Variants in LLGL2 observed in about 807,000 individuals in gnomAD.
The protein encoded by LLGL2 is LLGL scribble cell polarity complex component 2.
A neutral mutation model predicts 123.2 loss-of-function variants in LLGL2; 81 were observed. The observed-to-expected ratio is 0.66, with a 90% CI of 0.55 to 0.79. The LOEUF is 0.79. Ranked by LOEUF, LLGL2 falls within the 30% of genes least tolerant of loss-of-function variation. LLGL2 has a pLI of 0.00. For missense variants in LLGL2, 1,273 were observed against 1,414.6 expected (o/e 0.90, Z 1.61); for synonymous variants, 577 against 594.1 (o/e 0.97, Z 0.42).
At chr17:75,543,620 C>T (rs2054300774) in intron 2 of LLGL2, 119 bp downstream of exon 2, 1 of 637,748 alleles carries the variant, frequency 1.6e-6, no homozygotes, top group Non-Finnish European at 2.5e-6. Flanking sequence ...CCTGCAGTGC[C>T]TCTTGGGACT....
chr17:75,551,902 G>C (rs1300526650), intron 2 of LLGL2, among the ~76,000 whole-genome samples: 1 of 152,254 alleles, frequency 6.6e-6, no homozygotes, highest in Non-Finnish European at 1.5e-5. Context: ...GTCAAGGCGA[G>C]GAGATCACTT....
chr17:75,573,903 C>T lies in LLGL2; in HGVS notation c.2877-49C>T, dbSNP rs749287012. On this transcript the variant is annotated intron_variant, in intron 21 of 25. Coordinates refer to ENST00000392550, the MANE Select transcript of LLGL2 (RefSeq NM_001031803.2). ...TTCATGGGACCAGGGCTCTCAGAGC[C>T]GGGCAGGGAGCCCGGGGGCCCTGGT... is the stretch of plus-strand genomic sequence containing the variant. 34 of 1,546,248 alleles carry T rather than the reference C, an allele frequency of 2.2e-5. No individual in the cohort carries two copies. In the African/African-American group the frequency reaches 3.0e-4, roughly 14 times the overall value.
chr17:75,571,747 G>A lies in LLGL2; in HGVS notation c.2257G>A (p.Glu753Lys), dbSNP rs144506761. 1.1e-5 allele frequency: 18 copies of A among 1,608,784 alleles called. No homozygotes were observed. Among genetic ancestry groups the A allele is most frequent in the South Asian group, 2.2e-5 (2 of 91,086 alleles). Residue 753 changes from glutamate to lysine, a missense_variant, in exon 18 of 26, where the codon GAG (glutamate) becomes AAG (lysine). Transcript: ENST00000392550. The part of the protein sequence containing the change: ...YAFSLRVPPA[E>K]RRMDEPVRAE... ...CTTCTCCCTGCGTGTGCCTCCCGCC[G>A]AGCGGAGAATGGATGAGCCTGTGCG...
intron 16 of LLGL2, 44 bp downstream of exon 16, chr17:75,570,542 C>T (rs777523567): frequency 1.4e-5 from 22 of 1,540,044 alleles, no homozygotes; most frequent in East Asian, 2.4e-5. Context: ...CACCCAGGTT[C>T]GGCTCAGAGC....
chr17:75,544,684 G>A lies in LLGL2; in HGVS notation c.75+1183G>A, dbSNP rs370443752. ...GATCTCCGTGACCTCCCTGTTGGGA[G>A]AGGTGGGTCGTGGGGTGGAGGGACC... On this transcript the variant is annotated intron_variant, in intron 2 of 25. Transcript: ENST00000392550. The surrounding 1 kb of genome is among the most constrained non-coding windows in gnomAD (Gnocchi z 4.2). Among the ~76,000 whole-genome samples the A allele has an allele frequency of 6.6e-6, 1 of 152,202 alleles. No homozygotes were observed. Among genetic ancestry groups the A allele is most frequent in the African/African-American group, 2.4e-5 (1 of 41,456 alleles).
chr17:75,573,668 C>A, intron 21 of LLGL2, 37 bp downstream of exon 21: 1 of 1,528,638 alleles, frequency 6.5e-7, no homozygotes, highest in Non-Finnish European at 8.8e-7. Context: ...CCGCCCCTCC[C>A]GCCCCTCCCT....
At chr17:75,531,457 TG>T (rs2053783620) in intron 1 of LLGL2, among the ~76,000 whole-genome samples, 1 of 152,226 alleles carries the variant, frequency 6.6e-6, no homozygotes, top group Non-Finnish European at 1.5e-5. Context: ...TTCTTTCTCC[TG>T]GGCCGGCTGC....
rs1050583158 is a variant in LLGL2 at position 75,544,993 on chromosome 17, A to C, written c.75+1492A>C. ...GAGTAGCCTATGGGTGCTGGGTCTCAAAGCTTCGGTGTCCACGGGAGATGG... is the reference window on the plus strand; with the variant it reads ...GAGTAGCCTATGGGTGCTGGGTCTCCAAGCTTCGGTGTCCACGGGAGATGG... On this transcript the variant is annotated intron_variant, in intron 2 of 25. Coordinates refer to ENST00000392550, the MANE Select transcript of LLGL2 (RefSeq NM_001031803.2). The surrounding 1 kb of genome is among the most constrained non-coding windows in gnomAD (Gnocchi z 4.2). 6.6e-6 allele frequency among the ~76,000 whole-genome samples: 1 copy of C among 152,064 alleles called. No homozygotes were observed. Among genetic ancestry groups the C allele is most frequent in the Non-Finnish European group, 1.5e-5 (1 of 67,992 alleles).
chr17:75,574,713 G>T, intron 25 of LLGL2, 45 bp downstream of exon 25: 1 of 1,603,616 alleles, frequency 6.2e-7, no homozygotes. Context: ...GTGCTGGGAA[G>T]GGCTGGGAGG....
intron 1 of LLGL2, chr17:75,538,477 C>G (rs1251333361): frequency 6.6e-6 from 1 of 152,200 alleles, no homozygotes; most frequent in Non-Finnish European, 1.5e-5. Context: ...CCCCTTCCCA[C>G]CAGTCAGTCT....
chr17:75,570,595 T>C, intron 16 of LLGL2, 97 bp downstream of exon 16: 3 of 1,412,658 alleles, frequency 2.1e-6, no homozygotes, highest in Non-Finnish European at 2.8e-6. Flanking sequence ...CCAGGCTTGC[T>C]AGGCTACAAA....
chr17:75,564,464 T>C lies in LLGL2; in HGVS notation c.993T>C (p.Arg331=). The C allele has an allele frequency of 6.2e-7, 1 of 1,613,478 alleles. No individual in the cohort carries two copies. Among genetic ancestry groups the C allele is most frequent in the Admixed American group, 1.7e-5 (1 of 60,022 alleles). The change falls in exon 10 of 26, where the codon CGT becomes CGC. Residue 331 remains arginine (R), a synonymous_variant. Coordinates refer to ENST00000392550, the MANE Select transcript of LLGL2 (RefSeq NM_001031803.2). This position sits in a 1 kb window ranked among gnomAD's most constrained non-coding sequence, Gnocchi z 4.9. The stretch of plus-strand genomic sequence containing the variant: ...AGACGGCCTTCGACTTCACCTCCCG[T>C]GTCATCGGCTTCACTGTCCTCACAG... The part of the protein sequence containing the change: ...GQQTAFDFTS[R]VIGFTVLTEA...
chr17:75,538,661 G>A (rs1306301451), intron 1 of LLGL2: 4 of 152,304 alleles, frequency 2.6e-5, no homozygotes, highest in African/African-American at 4.8e-5. Flanking sequence ...TAATAAGTAA[G>A]CTATTCAGTG....
In LLGL2 at chr17:75,573,297, G is replaced by T; in HGVS notation, c.2725+19G>T. 6.3e-7 allele frequency: 1 copy of T among 1,583,850 alleles called. No homozygotes were observed. Among genetic ancestry groups the T allele is most frequent in the Non-Finnish European group, 8.6e-7 (1 of 1,160,608 alleles). On this transcript the variant is annotated intron_variant, in intron 20 of 25. Coordinates refer to ENST00000392550, the MANE Select transcript of LLGL2 (RefSeq NM_001031803.2). ...GGCCAAGGTGTTTGAGCCGGGCTGG[G>T]TGGGTGTCGGGGCCCCGGGCACTGC... is the stretch of plus-strand genomic sequence containing the variant.
rs146173157 is a variant in LLGL2 at position 75,567,856 on chromosome 17, C to T, written c.1037-620C>T. On this transcript the variant is annotated intron_variant, in intron 10 of 25. Transcript: ENST00000392550. ...ACTTGGGAGCCTGAGGCAGGAGGATCGCTTGAACCTGGAGGTGGAGGTTGC... is the reference window on the plus strand; with the variant it reads ...ACTTGGGAGCCTGAGGCAGGAGGATTGCTTGAACCTGGAGGTGGAGGTTGC... 1,563 of 160,852 alleles carry T rather than the reference C, an allele frequency of 9.7e-3. 27 individuals are homozygous for T. The highest frequency in any genetic ancestry group is 0.035 in the African/African-American group (1,467 of 41,436). 10.0% of individuals were successfully genotyped at this position (160,852 alleles called of 1,614,324 possible).
chr17:75,558,406 G>GCCACTCCCA lies in LLGL2; in HGVS notation c.256-106_256-105insCCACTCCCA. On this transcript the variant is annotated intron_variant, in intron 4 of 25. Transcript: ENST00000392550. This position sits in a 1 kb window ranked among gnomAD's most constrained non-coding sequence, Gnocchi z 4.0. ...CAGCTGGGGCTCATGGGCCACCCTG[G>GCCACTCCCA]GAGTGGCCAGGGGGTCTTTTAAACA... The GCCACTCCCA allele has an allele frequency of 8.6e-7, 1 of 1,158,828 alleles. No homozygotes were observed. The highest frequency in any genetic ancestry group is 1.2e-6 in the Non-Finnish European group (1 of 819,530). 71.8% of individuals were successfully genotyped at this position (1,158,828 alleles called of 1,614,324 possible). A position where few individuals can be genotyped will look rare whatever the true frequency, so the allele number is the denominator to read the frequency against.
At chr17:75,525,409 C>T (rs1219723316), upstream of LLGL2, among the ~76,000 whole-genome samples, 1 of 152,042 alleles carries the variant, frequency 6.6e-6, no homozygotes, top group Non-Finnish European at 1.5e-5. This position sits in a 1 kb window ranked among gnomAD's most constrained non-coding sequence, Gnocchi z 4.8. Context: ...GCAGGCGTTC[C>T]GGGAACTATT....
Position 75,558,446 on chromosome 17 carries a change from G to T in LLGL2, c.256-66G>T. ...TCTTTTAAACAACTGGGGCTGCGTG[G>T]CCCCAGTGTGTAAAGGCCTTGCCTG... On this transcript the variant is annotated intron_variant, in intron 4 of 25. Coordinates refer to ENST00000392550, the MANE Select transcript of LLGL2 (RefSeq NM_001031803.2). The surrounding 1 kb of genome is among the most constrained non-coding windows in gnomAD (Gnocchi z 4.0). 2 of 1,371,838 alleles carry T rather than the reference G, an allele frequency of 1.5e-6. No homozygotes were observed. Among genetic ancestry groups the T allele is most frequent in the East Asian group, 5.0e-5 (2 of 39,924 alleles). The allele number at this position is 1,371,838 out of a possible 1,614,324, so 85.0% of individuals were successfully genotyped here.
At chr17:75,527,932 C>T (rs997372731) in intron 1 of LLGL2, among the ~76,000 whole-genome samples, 4 of 150,964 alleles carry the variant, frequency 2.6e-5, no homozygotes, top group Non-Finnish European at 5.9e-5. Flanking sequence ...GGACTACAAG[C>T]GCGCAGCACC....
Sources: allele counts gnomAD v4.1 joint callset (sites outside exome capture counted in the v4.1 genomes callset), GRCh38; gene constraint gnomAD v4.1.1; non-coding constraint Gnocchi (gnomAD v3.1); transcripts MANE v1.5; gene names NCBI Gene and HGNC (gene_info 2026-07-23, HGNC 2026-07-21).